Variants in RORA observed in about 807,000 individuals in gnomAD.
The protein encoded by RORA is RAR related orphan receptor A, also known as nuclear receptor ROR-alpha.
In RORA, 7 loss-of-function variants were observed where a neutral mutation model predicts 69.5. The observed-to-expected ratio is 0.10, with a 90% CI of 0.06 to 0.19. The LOEUF is 0.19. RORA is among the 10% of genes least tolerant of loss of function. The pLI is 1.00. For synonymous variants in RORA, 261 were observed against 240.8 expected (o/e 1.08, Z -0.78); for missense variants, 457 against 663.0 (o/e 0.69, Z 3.41).
Position 60,497,219 on chromosome 15 carries a change from C to A in RORA, c.*236G>T, listed in dbSNP as rs201071249. On this transcript the variant is annotated 3_prime_UTR_variant, in exon 11 of 11. Transcript: ENST00000335670. Reference sequence around the variant, plus strand: ...GAGGTCAATGATCAAGAAGTCAAGACAGAAAAAGGGTCCATATCTGTAGGC... The same window carrying A: ...GAGGTCAATGATCAAGAAGTCAAGAAAGAAAAAGGGTCCATATCTGTAGGC... 1 of 410,830 alleles carries A rather than the reference C, an allele frequency of 2.4e-6. No homozygotes were observed. The highest frequency in any genetic ancestry group is 4.1e-5 in the East Asian group (1 of 24,420). The allele number at this position is 410,830 out of a possible 1,614,324, so 25.4% of individuals were successfully genotyped here.
chr15:60,882,614 T>C (rs1196758253), intron 1 of RORA, among the ~76,000 whole-genome samples: 2 of 147,906 alleles, frequency 1.4e-5, no homozygotes, highest in Non-Finnish European at 3.0e-5. Flanking sequence ...TAAAAGGACT[T>C]ACCCTTTAGA....
intron 1 of RORA, among the ~76,000 whole-genome samples, chr15:60,950,716 A>ACTCT (rs1893066226): frequency 1.2e-5 from 1 of 80,660 alleles, no homozygotes; most frequent in Non-Finnish European, 2.5e-5. Context: ...TGGTAAAGGG[A>ACTCT]TCAATTCAAC....
At chr15:60,617,679 G>GAGAA (rs2069286358) in intron 2 of RORA, among the ~76,000 whole-genome samples, 1 of 151,184 alleles carries the variant, frequency 6.6e-6, no homozygotes, top group South Asian at 2.1e-4. Context: ...GAGAGAGAGA[G>GAGAA]AGAGAGAGAG....
chr15:61,219,020 A>C (rs1335827237), intron 1 of RORA, among the ~76,000 whole-genome samples: 1 of 152,162 alleles, frequency 6.6e-6, no homozygotes, highest in African/African-American at 2.4e-5. Context: ...TATACCTATT[A>C]ATAGAAAGTA....
chr15:60,579,710 C>G (rs2068136090), intron 2 of RORA, among the ~76,000 whole-genome samples: 1 of 152,192 alleles, frequency 6.6e-6, no homozygotes, highest in Non-Finnish European at 1.5e-5. Flanking sequence ...TGGATGAGCT[C>G]TTAGTAGTGT....
chr15:61,073,554 G>C (rs558987529), intron 1 of RORA, among the ~76,000 whole-genome samples: 2 of 152,302 alleles, frequency 1.3e-5, no homozygotes, highest in Admixed American at 6.5e-5. Flanking sequence ...ACCTAAGGGA[G>C]TTTCAGTGAT....
intron 2 of RORA, among the ~76,000 whole-genome samples, chr15:60,594,562 C>T (rs56242686): frequency 0.31 from 46,762 of 152,060 alleles, 7,400 homozygotes; most frequent in East Asian, 0.48. Context: ...TTCAAAAGAA[C>T]CAAATCTATT....
At position 60,718,558 on chromosome 15, in the gene RORA, G is replaced by A. The variant is rs150326112; in HGVS notation, c.167-39872C>T. 5.3e-3 allele frequency among the ~76,000 whole-genome samples: 804 copies of A among 152,258 alleles called. 5 individuals carry two copies. Among genetic ancestry groups the A allele is most frequent in the African/African-American group, 0.015 (617 of 41,538 alleles). On this transcript the variant is annotated intron_variant, in intron 1 of 10. Coordinates refer to ENST00000335670, the MANE Select transcript of RORA (RefSeq NM_134261.3). ...GTTTAATCACATTCGATTGAATAACGGTTGTTAGCTAAATTTGACTTTCCT... is the reference window on the plus strand; with the variant it reads ...GTTTAATCACATTCGATTGAATAACAGTTGTTAGCTAAATTTGACTTTCCT...
chr15:61,198,174 AT>A (rs775265514), intron 1 of RORA, among the ~76,000 whole-genome samples: 8 of 152,196 alleles, frequency 5.3e-5, no homozygotes, highest in Non-Finnish European at 1.2e-4. Flanking sequence ...AAAAATTGAT[AT>A]GGATGCAAAC....
intron 1 of RORA, among the ~76,000 whole-genome samples, chr15:61,189,856 CAAAAAAAA>C (rs71125907): frequency 2.3e-5 from 1 of 42,890 alleles, no homozygotes; most frequent in African/African-American, 1.1e-4. Flanking sequence ...GACTCTGTCT[CAAAAAAAA>C]AAAAAAAAAA....
At chr15:60,978,457 C>G (rs1893939731) in intron 1 of RORA, among the ~76,000 whole-genome samples, 2 of 152,112 alleles carry the variant, frequency 1.3e-5, no homozygotes, top group Middle Eastern at 3.4e-3. Context: ...ATATTTTATC[C>G]TATTCTATGG....
chr15:60,904,370 T>C (rs1891473754), intron 1 of RORA, among the ~76,000 whole-genome samples: 1 of 152,124 alleles, frequency 6.6e-6, no homozygotes, highest in Non-Finnish European at 1.5e-5. Context: ...ACTTGAACTG[T>C]AGCAACAATC....
intron 2 of RORA, among the ~76,000 whole-genome samples, chr15:60,562,341 T>C (rs2140426822): frequency 6.6e-6 from 1 of 152,044 alleles, no homozygotes; most frequent in East Asian, 1.9e-4. Flanking sequence ...GCTCAGACAA[T>C]CCTCTTGCCT....
chr15:61,034,251 A>C (rs1210362520), intron 1 of RORA, among the ~76,000 whole-genome samples: 2 of 152,222 alleles, frequency 1.3e-5, no homozygotes, highest in African/African-American at 4.8e-5. Context: ...AGGGGGAAAA[A>C]GAGGAAGCAG....
At chr15:60,639,778 C>T (rs2069908749) in intron 2 of RORA, among the ~76,000 whole-genome samples, 1 of 152,058 alleles carries the variant, frequency 6.6e-6, no homozygotes, top group African/African-American at 2.4e-5. Context: ...TTGTGAGGAA[C>T]ATGGGAAGGT....
intron 1 of RORA, among the ~76,000 whole-genome samples, chr15:60,933,573 C>T (rs1892434942): frequency 6.6e-6 from 1 of 152,128 alleles, no homozygotes; most frequent in South Asian, 2.1e-4. Context: ...GAATCGCAGG[C>T]ATTTGTGTGG....
At chr15:61,224,558 T>C (rs1567044563) in intron 1 of RORA, among the ~76,000 whole-genome samples, 1 of 151,988 alleles carries the variant, frequency 6.6e-6, no homozygotes, top group Non-Finnish European at 1.5e-5. Flanking sequence ...CAACTCCATC[T>C]CTCCTGTCAA....
intron 2 of RORA, among the ~76,000 whole-genome samples, chr15:60,582,520 A>G (rs1175948204): frequency 6.6e-6 from 1 of 152,208 alleles, no homozygotes; most frequent in Non-Finnish European, 1.5e-5. Context: ...ACAATAACCC[A>G]TATCTTCATC....
At chr15:61,022,236 T>C (rs1895563913) in intron 1 of RORA, among the ~76,000 whole-genome samples, 1 of 152,232 alleles carries the variant, frequency 6.6e-6, no homozygotes, top group African/African-American at 2.4e-5. Context: ...CTACAGGGTG[T>C]TTGGGACCAC....
Sources: allele counts gnomAD v4.1 joint callset (sites outside exome capture counted in the v4.1 genomes callset), GRCh38; gene constraint gnomAD v4.1.1; transcripts MANE v1.5; gene names NCBI Gene and HGNC (gene_info 2026-07-23, HGNC 2026-07-21).